The following LRRC4C variants were observed in gnomAD, a reference collection of about 807,000 sequenced individuals.
The protein encoded by LRRC4C is leucine rich repeat containing 4C.
LRRC4C carries 5 observed loss-of-function variants against 33.6 expected under a neutral mutation model. That is an observed-to-expected ratio of 0.15 (90% CI 0.08 to 0.31). LRRC4C has a LOEUF of 0.31. LRRC4C is among the 10% of genes least tolerant of loss of function. The pLI, the probability that LRRC4C is intolerant of heterozygous loss-of-function variation, is 1.00. For synonymous variants in LRRC4C, 329 were observed against 302.0 expected, an observed-to-expected ratio of 1.09 and a Z score of -0.93; for missense variants, 560 against 796.7, an observed-to-expected ratio of 0.70 and a Z score of 3.58.
At chr11:40,432,415 G>A (rs1212520133) in intron 3 of LRRC4C, among the ~76,000 whole-genome samples, 1 of 152,082 alleles carries the variant, frequency 6.6e-6, no homozygotes, top group Admixed American at 6.5e-5. Flanking sequence ...CTTATTTCTT[G>A]AAAAAGTTTA....
Position 40,115,922 on chromosome 11 carries a change from G to T in LRRC4C, c.371C>A (p.Ala124Glu), listed in dbSNP as rs372499944. ...AAAGAGTTCCAGAGTGTTGAGGTTC[G>T]CCAGACCATTGAAAGCCCCAATTTC... ...TIEIGAFNGL[A>E]NLNTLELFDN... The change falls in exon 7 of 7, where the codon GCG becomes GAG. Residue 124 changes from alanine (A) to glutamate (E), a missense_variant. By Grantham distance (107) the Ala-to-Glu change is moderately radical. Coordinates refer to ENST00000528697, the MANE Select transcript of LRRC4C (RefSeq NM_001258419.2). This position sits in a 1 kb window ranked among gnomAD's most constrained non-coding sequence, Gnocchi z 6.7. 1.2e-6 allele frequency: 2 copies of T among 1,614,036 alleles called. No individual in the cohort carries two copies. Among genetic ancestry groups the T allele is most frequent in the Non-Finnish European group, 1.7e-6 (2 of 1,180,010 alleles).
chr11:40,369,396 G>C (rs1032900518), intron 3 of LRRC4C, among the ~76,000 whole-genome samples: 15 of 152,170 alleles, frequency 9.9e-5, no homozygotes, highest in Admixed American at 9.2e-4. Flanking sequence ...CCAGGCTGGA[G>C]TGCAATGGCG....
intron 6 of LRRC4C, among the ~76,000 whole-genome samples, chr11:40,127,767 G>A (rs2134752961): frequency 6.6e-6 from 1 of 152,266 alleles, no homozygotes; most frequent in South Asian, 2.1e-4. Flanking sequence ...TTAAAATCCT[G>A]TTGAGCATGA....
At chr11:40,925,158 C>G (rs1325414996) in intron 2 of LRRC4C, among the ~76,000 whole-genome samples, 3 of 149,424 alleles carry the variant, frequency 2.0e-5, no homozygotes, top group Non-Finnish European at 4.5e-5. Flanking sequence ...TCCTGTGTAT[C>G]ATATTTACAT....
At chr11:41,357,488 A>T (rs1482361295) in intron 1 of LRRC4C, among the ~76,000 whole-genome samples, 1 of 151,982 alleles carries the variant, frequency 6.6e-6, no homozygotes, top group East Asian at 1.9e-4. Context: ...TCAATGTTTC[A>T]CCTCTGATGT....
At chr11:40,219,921 T>C (rs931334975) in intron 5 of LRRC4C, among the ~76,000 whole-genome samples, 2 of 152,220 alleles carry the variant, frequency 1.3e-5, no homozygotes, top group African/African-American at 4.8e-5. Flanking sequence ...TGGGTAACTA[T>C]GTGAGCTAAC....
At chr11:40,176,370 G>A (rs557885081) in intron 5 of LRRC4C, among the ~76,000 whole-genome samples, 188 of 152,204 alleles carry the variant, frequency 1.2e-3, no homozygotes, top group Non-Finnish European at 1.2e-3. Context: ...TTTATTCTCA[G>A]CATCAAGAAC....
intron 2 of LRRC4C, among the ~76,000 whole-genome samples, chr11:40,717,420 C>T (rs1438373877): frequency 6.6e-6 from 1 of 152,016 alleles, no homozygotes; most frequent in African/African-American, 2.4e-5. Flanking sequence ...TTACATTCTA[C>T]CCCAAAGACT....
At chr11:41,236,180 C>G (rs1480310560) in intron 1 of LRRC4C, among the ~76,000 whole-genome samples, 1 of 152,068 alleles carries the variant, frequency 6.6e-6, no homozygotes, top group East Asian at 1.9e-4. Flanking sequence ...CACCTTCCAT[C>G]TAGTGACTGT....
At chr11:40,849,611 T>C (rs1168899746) in intron 2 of LRRC4C, among the ~76,000 whole-genome samples, 1 of 152,156 alleles carries the variant, frequency 6.6e-6, no homozygotes, top group Non-Finnish European at 1.5e-5. Context: ...CTGACGATTA[T>C]ATTTCTTGGG....
At chr11:40,387,616 T>G (rs1949161939) in intron 3 of LRRC4C, among the ~76,000 whole-genome samples, 1 of 152,178 alleles carries the variant, frequency 6.6e-6, no homozygotes, top group African/African-American at 2.4e-5. Context: ...GAAGCAAACC[T>G]AGGATCATTT....
In LRRC4C at chr11:40,439,820, TGG is replaced by T. The variant is rs920440478; in HGVS notation, c.-269-120101_-269-120100del. ...ACATTTAAAAATGCAAAAACAAATT[TGG>T]AAGAAAAAGTAACATGACCCAGGCC... On this transcript the variant is annotated intron_variant, in intron 3 of 6. Transcript: ENST00000528697. Among the ~76,000 whole-genome samples, 49 of 152,256 alleles carry T rather than the reference TGG, an allele frequency of 3.2e-4. 2 individuals carry two copies. The highest frequency in any genetic ancestry group is 1.1e-3 in the African/African-American group (45 of 41,546).
At chr11:41,232,830 A>G (rs16935454) in intron 1 of LRRC4C, among the ~76,000 whole-genome samples, 5,444 of 151,978 alleles carry the variant, frequency 0.036, 141 homozygotes, top group African/African-American at 0.064. Flanking sequence ...TCAAATAAGA[A>G]CAATTAGCAA....
intron 3 of LRRC4C, among the ~76,000 whole-genome samples, chr11:40,482,209 T>C (rs1318441164): frequency 2.6e-5 from 4 of 152,122 alleles, no homozygotes; most frequent in African/African-American, 9.7e-5. Context: ...AGTCATCACA[T>C]GGATTAATGA....
chr11:41,036,565 G>A (rs1048932783), intron 1 of LRRC4C, among the ~76,000 whole-genome samples: 2 of 152,134 alleles, frequency 1.3e-5, no homozygotes, highest in African/African-American at 4.8e-5. Flanking sequence ...GGAAAAAGAA[G>A]TTTAAATTAG....
rs536480827 is a variant in LRRC4C at position 40,711,184 on chromosome 11, C to A, written c.-406-62906G>T. ...GACGCCCTGCTCTGTTTTGGCTTGCCCTCCGTGGGCTGCACCCACTTTCTG... is the reference window on the plus strand; with the variant it reads ...GACGCCCTGCTCTGTTTTGGCTTGCACTCCGTGGGCTGCACCCACTTTCTG... On this transcript the variant is annotated intron_variant, in intron 2 of 6. Coordinates refer to ENST00000528697, the MANE Select transcript of LRRC4C (RefSeq NM_001258419.2). 7.1e-4 allele frequency among the ~76,000 whole-genome samples: 108 copies of A among 152,304 alleles called. 1 individual carries two copies. Among genetic ancestry groups the A allele is most frequent in the Admixed American group, 2.9e-3 (45 of 15,298 alleles).
chr11:40,720,745 A>T (rs780308637), intron 2 of LRRC4C, among the ~76,000 whole-genome samples: 1 of 152,202 alleles, frequency 6.6e-6, no homozygotes, highest in Non-Finnish European at 1.5e-5. Flanking sequence ...CCCCCAAAGA[A>T]TCATTTTATC....
At chr11:41,020,025 C>T (rs1421217267) in intron 1 of LRRC4C, among the ~76,000 whole-genome samples, 1 of 152,092 alleles carries the variant, frequency 6.6e-6, no homozygotes, top group Non-Finnish European at 1.5e-5. Context: ...TAATTAGATC[C>T]CATTTGTCAA....
At chr11:41,241,837 A>G (rs977296581) in intron 1 of LRRC4C, among the ~76,000 whole-genome samples, 4 of 152,182 alleles carry the variant, frequency 2.6e-5, no homozygotes, top group African/African-American at 9.6e-5. Flanking sequence ...TGTTGTGCTC[A>G]GTGCAAGCCC....
Sources: gnomAD v4.1 joint callset for allele counts (sites outside exome capture counted in the v4.1 genomes callset) on GRCh38, gnomAD v4.1.1 for gene constraint, Gnocchi (gnomAD v3.1) non-coding constraint, MANE v1.5 for transcripts, NCBI Gene and HGNC (gene_info 2026-07-23, HGNC 2026-07-21) for gene names.